Variants in CCNK observed in about 807,000 individuals in gnomAD.
CCNK encodes the protein cyclin-K.
Under a neutral mutation model 65.0 loss-of-function variants are expected in CCNK, and 9 were observed. That is an observed-to-expected ratio of 0.14 (90% confidence interval 0.08 to 0.24). The LOEUF (loss-of-function observed/expected upper bound fraction) is 0.24, where lower values mean the gene tolerates loss of function less well. Ranked by LOEUF, CCNK falls within the 10% of genes least tolerant of loss-of-function variation. The pLI is 1.00. For missense variants in CCNK, 474 were observed against 720.0 expected, an observed-to-expected ratio of 0.66 and a Z score of 3.91; for synonymous variants, 279 against 270.8, an observed-to-expected ratio of 1.03 and a Z score of -0.30.
At chr14:99,502,435 G>GTGTA (rs1896855970) in intron 7 of CCNK, 59 bp downstream of exon 7, 9 of 1,571,348 alleles carry the variant, frequency 5.7e-6, no homozygotes, top group Non-Finnish European at 7.8e-6. Context: ...ATTCTTCCAT[G>GTGTA]TGTACCCTGA....
chr14:99,488,335 C>T (rs564231246), intron 1 of CCNK, among the ~76,000 whole-genome samples: 1 of 150,910 alleles, frequency 6.6e-6, no homozygotes, highest in East Asian at 1.9e-4. Context: ...TTGTTGTAGC[C>T]CTCTTTAGCC....
chr14:99,486,518 A>G (rs1420200725), intron 1 of CCNK, among the ~76,000 whole-genome samples: 2 of 152,224 alleles, frequency 1.3e-5, no homozygotes, highest in East Asian at 1.9e-4. Flanking sequence ...AGAGACTTCA[A>G]CTGGCCTATT....
In CCNK at chr14:99,493,601, T is replaced by C; in HGVS notation, c.279+6T>C. The C allele has an allele frequency of 1.3e-6, 2 of 1,562,878 alleles. No individual in the cohort carries two copies. Among genetic ancestry groups the C allele is most frequent in the Non-Finnish European group, 8.8e-7 (1 of 1,136,302 alleles). On this transcript the variant is annotated splice_donor_region_variant and intron_variant, in intron 3 of 10. Coordinates refer to ENST00000389879, the MANE Select transcript of CCNK (RefSeq NM_001099402.2). Reference sequence around the variant, plus strand: ...TCAAGCAATTCCCAAGATATGTAAGTGTTTGAATTTTATTGTAATTCTCTG... The same window carrying C: ...TCAAGCAATTCCCAAGATATGTAAGCGTTTGAATTTTATTGTAATTCTCTG...
At chr14:99,496,849 G>A (rs1896711639) in intron 4 of CCNK, among the ~76,000 whole-genome samples, 1 of 151,318 alleles carries the variant, frequency 6.6e-6, no homozygotes, top group African/African-American at 2.4e-5. Flanking sequence ...GGAGGCAGAG[G>A]TTGCAGTGAG....
intron 1 of CCNK, chr14:99,492,359 A>G: frequency 4.3e-6 from 1 of 234,904 alleles, no homozygotes; most frequent in Middle Eastern, 1.3e-3. Flanking sequence ...TTTGTCAAAT[A>G]AGGTTAACCC....
At chr14:99,510,013 G>T in intron 10 of CCNK, 144 bp from the exon 11 acceptor site, 1 of 754,910 alleles carries the variant, frequency 1.3e-6, no homozygotes. Flanking sequence ...CAGGACATGG[G>T]GCATGGGCCC....
At chr14:99,487,326 G>A (rs896519085) in intron 1 of CCNK, among the ~76,000 whole-genome samples, 1 of 152,142 alleles carries the variant, frequency 6.6e-6, no homozygotes. Flanking sequence ...TTGACATGTT[G>A]GACCAGATAA....
intron 1 of CCNK, among the ~76,000 whole-genome samples, chr14:99,489,138 T>TA (rs201198391): frequency 1.7e-3 from 260 of 150,832 alleles, no homozygotes; most frequent in East Asian, 5.9e-3. Flanking sequence ...TATATATATA[T>TA]TTTTTTTTAA....
At chr14:99,501,140 GA>G in intron 5 of CCNK, 1 of 602,604 alleles carries the variant, frequency 1.7e-6, no homozygotes, top group Non-Finnish European at 2.9e-6. Flanking sequence ...CTTAGCCTTG[GA>G]GCCAGGTTTT....
chr14:99,500,710 G>C, intron 4 of CCNK, 56 bp from the exon 5 acceptor site: 1 of 1,124,602 alleles, frequency 8.9e-7, no homozygotes, highest in Non-Finnish European at 1.3e-6. Context: ...CTTTTGTAAT[G>C]CTGCTTGAGA....
At chr14:99,491,861 A>C (rs1283389713) in intron 1 of CCNK, 1 of 152,264 alleles carries the variant, frequency 6.6e-6, no homozygotes, top group Non-Finnish European at 1.5e-5. Context: ...TCTCTGATCC[A>C]GGTTACAAAT....
intron 1 of CCNK, among the ~76,000 whole-genome samples, chr14:99,490,482 C>T (rs1896574702): frequency 6.6e-6 from 1 of 152,178 alleles, no homozygotes; most frequent in East Asian, 1.9e-4. Flanking sequence ...CTTCTGTAAA[C>T]GTACAATTAG....
At chr14:99,506,806 G>T in intron 9 of CCNK, 1 of 434,486 alleles carries the variant, frequency 2.3e-6, no homozygotes, top group Non-Finnish European at 4.3e-6. Flanking sequence ...AAGGACTTGA[G>T]TGAAGTGGTC....
intron 1 of CCNK, among the ~76,000 whole-genome samples, chr14:99,483,518 C>T (rs998898239): frequency 2.6e-5 from 4 of 152,202 alleles, no homozygotes; most frequent in African/African-American, 7.2e-5. Context: ...TGACTGCGCT[C>T]CAGCCTGGGC....
chr14:99,510,678 C>T lies in CCNK; in HGVS notation c.1639C>T (p.Pro547Ser), dbSNP rs1475361156. 7.1e-7 allele frequency: 1 copy of T among 1,410,848 alleles called. No individual in the cohort carries two copies. 87.4% of individuals were successfully genotyped at this position (1,410,848 alleles called of 1,614,324 possible). The change falls in exon 11 of 11, where the codon CCT becomes TCT. Residue 547 changes from proline (P) to serine (S), a missense_variant. By Grantham distance (74) the Pro-to-Ser change is moderately conservative. Around this residue, in one of 6 missense-constraint regions of CCNK, gnomAD observed 53 missense variants for 91.4 expected, o/e 0.58. Transcript: ENST00000389879. ...GLGLPPASYP[P>S]PAVPPGGQPP... ...GGGCCTGCCGCCAGCCAGCTACCCA[C>T]CTCCTGCCGTCCCCCCTGGAGGACA...
At chr14:99,496,402 C>T (rs1037427021) in intron 4 of CCNK, among the ~76,000 whole-genome samples, 1 of 152,172 alleles carries the variant, frequency 6.6e-6, no homozygotes, top group Non-Finnish European at 1.5e-5. Context: ...ATAGCGAAAC[C>T]CCATCTCTAC....
intron 9 of CCNK, chr14:99,505,875 T>G (rs995693901): frequency 1.3e-5 from 2 of 152,232 alleles, no homozygotes; most frequent in African/African-American, 4.8e-5. Context: ...AAATGGCTCC[T>G]GGAAAGTTTA....
intron 9 of CCNK, chr14:99,506,823 G>A: frequency 2.2e-6 from 1 of 464,644 alleles, no homozygotes; most frequent in Non-Finnish European, 4.0e-6. Context: ...GGTCAGCAAG[G>A]AAACTTAGGT....
At chr14:99,503,170 T>G in intron 8 of CCNK, 186 bp downstream of exon 8, 1 of 742,942 alleles carries the variant, frequency 1.3e-6, no homozygotes, top group South Asian at 1.5e-5. Flanking sequence ...ACAGGCTGCC[T>G]CTGAGAACCA....
Sources: allele counts gnomAD v4.1 joint callset (sites outside exome capture counted in the v4.1 genomes callset), GRCh38; gene constraint gnomAD v4.1.1; regional missense constraint gnomAD v4.1.1; transcripts MANE v1.5; gene names NCBI Gene and HGNC (gene_info 2026-07-23, HGNC 2026-07-21).